The following FYN variants were observed in gnomAD, a reference collection of about 807,000 sequenced individuals.
FYN encodes FYN proto-oncogene, Src family tyrosine kinase, also known as tyrosine-protein kinase Fyn.
In FYN, 10 loss-of-function variants were observed where a neutral mutation model predicts 70.2. The observed-to-expected ratio is 0.14, with a 90% CI of 0.09 to 0.24. FYN has a LOEUF of 0.24. Among genes scored for constraint, FYN ranks in the 10% least tolerant of loss-of-function variants. The pLI is 1.00. For synonymous variants in FYN, 236 were observed against 248.6 expected (o/e 0.95, Z 0.48); for missense variants, 319 against 673.1 (o/e 0.47, Z 5.82).
chr6:111,678,465 T>C (rs1391616410), intron 12 of FYN, among the ~76,000 whole-genome samples: 1 of 152,190 alleles, frequency 6.6e-6, no homozygotes, highest in Non-Finnish European at 1.5e-5. Context: ...CTGAATTCTG[T>C]TGAGATATGA....
chr6:111,799,494 T>A (rs1017470591), intron 2 of FYN, among the ~76,000 whole-genome samples: 1 of 152,202 alleles, frequency 6.6e-6, no homozygotes, highest in Non-Finnish European at 1.5e-5. Flanking sequence ...ACAGAGAAAG[T>A]GCAACTCTAA....
At chr6:111,709,164 G>T (rs1415681469) in intron 5 of FYN, 1 of 151,346 alleles carries the variant, frequency 6.6e-6, no homozygotes, top group African/African-American at 2.5e-5. Flanking sequence ...GGTCCTTGGA[G>T]GCAGCAAGCA....
intron 3 of FYN, among the ~76,000 whole-genome samples, chr6:111,736,383 C>T (rs573530151): frequency 6.6e-6 from 1 of 152,168 alleles, no homozygotes; most frequent in Admixed American, 6.5e-5. Context: ...AGGCTTAGAA[C>T]AGTCAGAGGA....
rs139713779 is a variant in FYN at position 111,682,417 on chromosome 6, C to A, written c.1274-7787G>T. On this transcript the variant is annotated intron_variant, in intron 12 of 13. Transcript: ENST00000354650. ...AATGAAGTCCCTCTATCCCTAGTGGCCAGGTAATCTGTTTTTCACTTCTGC... is the reference window on the plus strand; with the variant it reads ...AATGAAGTCCCTCTATCCCTAGTGGACAGGTAATCTGTTTTTCACTTCTGC... 3.3e-5 allele frequency among the ~76,000 whole-genome samples: 5 copies of A among 152,324 alleles called. No individual in the cohort carries two copies. In the East Asian group the frequency reaches 9.6e-4, roughly 29 times the overall value.
intron 12 of FYN, 35 bp from the exon 13 acceptor site, chr6:111,674,665 A>G: frequency 1.2e-6 from 2 of 1,605,678 alleles, no homozygotes; most frequent in Non-Finnish European, 1.7e-6. Flanking sequence ...CATCAGGCAG[A>G]GGGCACTGCA....
intron 3 of FYN, among the ~76,000 whole-genome samples, chr6:111,730,320 C>G (rs765094555): frequency 6.6e-6 from 1 of 152,190 alleles, no homozygotes; most frequent in Admixed American, 6.5e-5. Context: ...GAACCAAAAG[C>G]AGGGTGGCTG....
intron 12 of FYN, among the ~76,000 whole-genome samples, chr6:111,690,728 C>T (rs1447358194): frequency 6.6e-6 from 1 of 152,196 alleles, no homozygotes; most frequent in East Asian, 1.9e-4. Context: ...AAAATGCATA[C>T]AGCAGACAAA....
At chr6:111,678,108 A>ATGTGTGTGTGTGTGTGTGTGTGTGTG (rs57015847) in intron 12 of FYN, among the ~76,000 whole-genome samples, 37 of 94,010 alleles carry the variant, frequency 3.9e-4, no homozygotes, top group African/African-American at 7.7e-4. Flanking sequence ...AGGCCATAAT[A>ATGTGTGTGTGTGTGTGTGTGTGTGTG]TGTGTGTGTG....
chr6:111,699,967 T>C lies in FYN; in HGVS notation c.862+137A>G, dbSNP rs1041239838. Reference sequence around the variant, plus strand: ...AATTCCAGAATGTTAAAACCAAAACTGAAATTATTATTCCCCACTATTAGT... The same window carrying C: ...AATTCCAGAATGTTAAAACCAAAACCGAAATTATTATTCCCCACTATTAGT... On this transcript the variant is annotated intron_variant, in intron 9 of 13. Coordinates refer to ENST00000354650, the MANE Select transcript of FYN (RefSeq NM_002037.5). The C allele has an allele frequency of 8.2e-5, 44 of 538,618 alleles. 1 individual carries two copies. The highest frequency in any genetic ancestry group is 1.5e-5 in the Non-Finnish European group (5 of 336,046). The allele number at this position is 538,618 out of a possible 1,614,324, so 33.4% of individuals were successfully genotyped here. A position where few individuals can be genotyped will look rare whatever the true frequency, so the allele number is the denominator to read the frequency against.
intron 13 of FYN, among the ~76,000 whole-genome samples, chr6:111,673,545 G>A (rs779456224): frequency 4.7e-5 from 7 of 150,524 alleles, no homozygotes; most frequent in Non-Finnish European, 1.0e-4. Flanking sequence ...TCCTCTGACT[G>A]CAAAGCTATG....
chr6:111,820,707 T>C (rs1772630002), intron 2 of FYN, among the ~76,000 whole-genome samples: 1 of 152,118 alleles, frequency 6.6e-6, no homozygotes, highest in African/African-American at 2.4e-5. Flanking sequence ...ACACTATTAT[T>C]ACCAGCTCAG....
At chr6:111,700,992 A>C (rs571930816) in intron 8 of FYN, among the ~76,000 whole-genome samples, 1 of 152,260 alleles carries the variant, frequency 6.6e-6, no homozygotes, top group Non-Finnish European at 1.5e-5. Flanking sequence ...TAAAAAAAAA[A>C]AAACAACTTT....
chr6:111,734,097 A>AAAAC (rs531204142), intron 3 of FYN, among the ~76,000 whole-genome samples: 85 of 152,260 alleles, frequency 5.6e-4, no homozygotes, highest in African/African-American at 1.5e-3. Flanking sequence ...AAACAAACAA[A>AAAAC]AAACAAACAA....
In FYN at chr6:111,737,261, A is replaced by G. The variant is rs1428960790; in HGVS notation, c.-11-17199T>C. ...TCCAGTTCAATTCAATTTGGTGCCA[A>G]TATCTACCTAGAGATAGTGTCAGAT... On this transcript the variant is annotated intron_variant, in intron 3 of 13. Coordinates refer to ENST00000354650, the MANE Select transcript of FYN (RefSeq NM_002037.5). Among the ~76,000 whole-genome samples, 3 of 152,202 alleles carry G rather than the reference A, an allele frequency of 2.0e-5. No homozygotes were observed. In the East Asian group the frequency reaches 5.8e-4, roughly 29 times the overall value.
At chr6:111,665,241 T>C (rs1175332039) in intron 13 of FYN, among the ~76,000 whole-genome samples, 1 of 152,156 alleles carries the variant, frequency 6.6e-6, no homozygotes, top group East Asian at 1.9e-4. Flanking sequence ...AAGCTCCAGA[T>C]TTTGGTGCAT....
chr6:111,689,784 G>A (rs1415547780), intron 12 of FYN, among the ~76,000 whole-genome samples: 2 of 152,242 alleles, frequency 1.3e-5, no homozygotes, highest in African/African-American at 4.8e-5. Flanking sequence ...TTACTGACTG[G>A]GAGTGGGAAT....
intron 2 of FYN, among the ~76,000 whole-genome samples, chr6:111,810,087 T>G (rs1772276706): frequency 6.6e-6 from 1 of 152,202 alleles, no homozygotes; most frequent in South Asian, 2.1e-4. Context: ...GTAATAAAAA[T>G]TTAGTAAAAC....
intron 3 of FYN, among the ~76,000 whole-genome samples, chr6:111,725,408 A>C (rs1328716229): frequency 6.6e-6 from 1 of 152,210 alleles, no homozygotes; most frequent in African/African-American, 2.4e-5. Flanking sequence ...AGCATACTGC[A>C]TCAGATGATC....
intron 13 of FYN, among the ~76,000 whole-genome samples, chr6:111,668,056 C>A (rs1380803184): frequency 6.6e-6 from 1 of 152,260 alleles, no homozygotes; most frequent in Non-Finnish European, 1.5e-5. Context: ...TGCTTCTGTG[C>A]ATAAAAGGCC....
Sources: allele counts gnomAD v4.1 joint callset (sites outside exome capture counted in the v4.1 genomes callset), GRCh38; gene constraint gnomAD v4.1.1; transcripts MANE v1.5; gene names NCBI Gene and HGNC (gene_info 2026-07-23, HGNC 2026-07-21).